PIK3C3: variants seen among roughly 807,000 people sequenced by gnomAD.
PIK3C3 encodes PI3-kinase type 3.
Under a neutral mutation model 126.1 loss-of-function variants are expected in PIK3C3, and 95 were observed. That is an observed-to-expected ratio of 0.75 (90% confidence interval 0.64 to 0.89). PIK3C3 has a LOEUF of 0.89. Among genes scored for constraint, PIK3C3 ranks in the 40% least tolerant of loss-of-function variants. The pLI, the probability that PIK3C3 is intolerant of heterozygous loss-of-function variation, is 0.00. For missense variants in PIK3C3, 829 were observed against 1,063.2 expected, an observed-to-expected ratio of 0.78 and a Z score of 3.06; for synonymous variants, 374 against 360.0, an observed-to-expected ratio of 1.04 and a Z score of -0.44.
chr18:41,957,871 T>C (rs1428892543), intron 2 of PIK3C3, 113 bp downstream of exon 2: 1 of 708,588 alleles, frequency 1.4e-6, no homozygotes, highest in Non-Finnish European at 2.3e-6. Flanking sequence ...CCTATAGGCA[T>C]TGATCAAATC....
rs562918911 is a variant in PIK3C3, at chr18:42,020,776, C to A, written c.1484+71C>A. The A allele has an allele frequency of 1.3e-5, 11 of 834,416 alleles. No homozygotes were observed. In the East Asian group the frequency reaches 2.7e-4, roughly 20 times the overall value. 51.7% of individuals were successfully genotyped at this position (834,416 alleles called of 1,614,324 possible). ...ATTATTTTTTCTCATGCTATAAACA[C>A]AAAGATGATTTAAAATAAGATATGA... is the stretch of plus-strand genomic sequence containing the variant. On this transcript the variant is annotated intron_variant, in intron 13 of 24. Transcript: ENST00000262039.
intron 15 of PIK3C3, among the ~76,000 whole-genome samples, chr18:42,031,862 C>T (rs1002397690): frequency 2.0e-5 from 3 of 152,140 alleles, no homozygotes; most frequent in Admixed American, 2.0e-4. Flanking sequence ...CTACTCTGTG[C>T]AGAGTGCTTT....
At chr18:41,959,059 T>C (rs1213745850) in intron 2 of PIK3C3, among the ~76,000 whole-genome samples, 1 of 152,178 alleles carries the variant, frequency 6.6e-6, no homozygotes. Context: ...CAGGAAGTCT[T>C]CAAACCCCTG....
At chr18:42,048,685 A>G (rs1057406111) in intron 20 of PIK3C3, among the ~76,000 whole-genome samples, 3 of 152,342 alleles carry the variant, frequency 2.0e-5, no homozygotes, top group Admixed American at 1.3e-4. Context: ...AATGGCCTTC[A>G]GAACCTAAGT....
chr18:42,065,314 C>A (rs1007741762), intron 23 of PIK3C3, among the ~76,000 whole-genome samples: 10 of 152,048 alleles, frequency 6.6e-5, no homozygotes, highest in Non-Finnish European at 1.3e-4. Flanking sequence ...CAGAAAAGGA[C>A]TTTAAAGCAG....
Position 41,957,776 on chromosome 18 carries a change from A to T in PIK3C3, c.257+18A>T. 6.3e-7 allele frequency: 1 copy of T among 1,594,840 alleles called. No individual in the cohort carries two copies. Among genetic ancestry groups the T allele is most frequent in the Non-Finnish European group, 8.6e-7 (1 of 1,167,202 alleles). ...AGATGGAAGTAAGTTTTTTTGTGGC[A>T]TATGGTATGTTACAGACTGTTCTTA... On this transcript the variant is annotated intron_variant, in intron 2 of 24. Coordinates refer to ENST00000262039, the MANE Select transcript of PIK3C3 (RefSeq NM_002647.4).
rs1986261284 is a variant in PIK3C3, at chr18:42,081,811, A to G, written c.*674A>G. 1 of 152,226 alleles carries G rather than the reference A, an allele frequency of 6.6e-6. No individual in the cohort carries two copies. The highest frequency in any genetic ancestry group is 1.5e-5 in the Non-Finnish European group (1 of 68,024). The allele number at this position is 152,226 out of a possible 1,614,324, so 9.4% of individuals were successfully genotyped here. On this transcript the variant is annotated 3_prime_UTR_variant, in exon 25 of 25. Transcript: ENST00000262039. The stretch of plus-strand genomic sequence containing the variant: ...TAAGTGTGTAAAGTAGAATATGAAA[A>G]TGTGGCTATTTAGATAACTGGCCAA...
In PIK3C3 at chr18:41,970,624, A is replaced by C. The variant is rs375400676; in HGVS notation, c.531+168A>C. The C allele has an allele frequency of 1.9e-5, 13 of 680,356 alleles. No homozygotes were observed. In the East Asian group the frequency reaches 3.5e-4, roughly 18 times the overall value. 42.1% of individuals were successfully genotyped at this position (680,356 alleles called of 1,614,324 possible). A position where few individuals can be genotyped will look rare whatever the true frequency, so the allele number is the denominator to read the frequency against. ...ACATACCATAAAGTTCACCCTTGGA[A>C]AGCATACAGTCTGATGGTTTAGTAA... On this transcript the variant is annotated intron_variant, in intron 4 of 24. Coordinates refer to ENST00000262039, the MANE Select transcript of PIK3C3 (RefSeq NM_002647.4).
intron 11 of PIK3C3, 127 bp downstream of exon 11, chr18:42,013,723 A>T (rs1373796592): frequency 2.9e-6 from 2 of 680,634 alleles, no homozygotes; most frequent in Non-Finnish European, 5.1e-6. Flanking sequence ...TTACTAGTGA[A>T]TATTGCATGT....
At chr18:41,967,855 A>G (rs1163279448) in intron 3 of PIK3C3, among the ~76,000 whole-genome samples, 1 of 152,192 alleles carries the variant, frequency 6.6e-6, no homozygotes, top group Non-Finnish European at 1.5e-5. Flanking sequence ...TGGCACTGCA[A>G]GCTGGAATAT....
Position 42,043,786 on chromosome 18 carries a change from T to C in PIK3C3, c.2157T>C (p.Ala719=). ...PSENGPNGIS[A]EVMDTYVKSC... ...AGAATGGGCCAAATGGGATTAGTGC[T>C]GAGGTCATGGACACTTACGTTAAAA... Residue 719 remains alanine (A), a synonymous_variant, in exon 20 of 25, where the codon GCT becomes GCC. Coordinates refer to ENST00000262039, the MANE Select transcript of PIK3C3 (RefSeq NM_002647.4). 2 of 1,613,322 alleles carry C rather than the reference T, an allele frequency of 1.2e-6. No individual in the cohort carries two copies. Among genetic ancestry groups the C allele is most frequent in the Non-Finnish European group, 8.5e-7 (1 of 1,179,370 alleles).
intron 7 of PIK3C3, among the ~76,000 whole-genome samples, chr18:41,994,324 C>T (rs891753378): frequency 2.6e-5 from 4 of 152,122 alleles, no homozygotes; most frequent in Admixed American, 1.3e-4. Context: ...ACTGAATTTT[C>T]AGTATAAAAT....
Position 42,082,253 on chromosome 18 carries a change from T to C in PIK3C3, c.*1116T>C, listed in dbSNP as rs1986276036. On this transcript the variant is annotated 3_prime_UTR_variant, in exon 25 of 25. Coordinates refer to ENST00000262039, the MANE Select transcript of PIK3C3 (RefSeq NM_002647.4). ...TGCTGAATAAATATTAGAAATCAAG[T>C]GACAGAGAAGATGAAGGTAAAATTG... is the stretch of plus-strand genomic sequence containing the variant. 6.6e-6 allele frequency: 1 copy of C among 152,136 alleles called. No homozygotes were observed. The highest frequency in any genetic ancestry group is 2.1e-4 in the South Asian group (1 of 4,832). The allele number at this position is 152,136 out of a possible 1,614,324, so 9.4% of individuals were successfully genotyped here. A position where few individuals can be genotyped will look rare whatever the true frequency, so the allele number is the denominator to read the frequency against.
intron 19 of PIK3C3, 61 bp downstream of exon 19, chr18:42,040,802 C>A: frequency 1.8e-6 from 2 of 1,097,826 alleles, no homozygotes; most frequent in Non-Finnish European, 1.4e-6. Context: ...AAAATTCAGT[C>A]TTTATAACAT....
At chr18:41,957,062 A>C (rs372690000) in intron 1 of PIK3C3, among the ~76,000 whole-genome samples, 1 of 152,226 alleles carries the variant, frequency 6.6e-6, no homozygotes, top group East Asian at 1.9e-4. Flanking sequence ...TAGAATAAAA[A>C]CATGCAGTTA....
chr18:42,003,193 T>C (rs1374183565), intron 9 of PIK3C3, among the ~76,000 whole-genome samples: 3 of 152,216 alleles, frequency 2.0e-5, no homozygotes, highest in African/African-American at 4.8e-5. Context: ...TTTAGTGTCA[T>C]ACTAACAGAA....
chr18:42,060,445 T>C (rs1331484814), intron 22 of PIK3C3, among the ~76,000 whole-genome samples: 2 of 152,180 alleles, frequency 1.3e-5, no homozygotes, highest in Admixed American at 1.3e-4. Flanking sequence ...TTTTTACATT[T>C]TTTGGTAAAA....
At chr18:42,012,669 A>G (rs1478166330) in intron 10 of PIK3C3, among the ~76,000 whole-genome samples, 1 of 152,192 alleles carries the variant, frequency 6.6e-6, no homozygotes. Flanking sequence ...CTAAACATTA[A>G]AGAGTTTTAT....
Position 41,962,522 on chromosome 18 carries a change from C to T in PIK3C3, c.291C>T (p.Tyr97=). Residue 97 remains tyrosine, a synonymous_variant, in exon 3 of 25, where the codon TAC becomes TAT. Coordinates refer to ENST00000262039, the MANE Select transcript of PIK3C3 (RefSeq NM_002647.4). ...AATGGCTGAAACTACCAGTAAAATACCCTGACCTGCCCAGGAATGCCCAAG... is the reference window on the plus strand; with the variant it reads ...AATGGCTGAAACTACCAGTAAAATATCCTGACCTGCCCAGGAATGCCCAAG... ...WNEWLKLPVK[Y]PDLPRNAQVA... The T allele has an allele frequency of 5.0e-6, 8 of 1,612,798 alleles. No homozygotes were observed. Among genetic ancestry groups the T allele is most frequent in the Non-Finnish European group, 5.9e-6 (7 of 1,179,132 alleles).
Sources: gnomAD v4.1 joint callset for allele counts (sites outside exome capture counted in the v4.1 genomes callset) on GRCh38, gnomAD v4.1.1 for gene constraint, MANE v1.5 for transcripts, NCBI Gene and HGNC (gene_info 2026-07-23, HGNC 2026-07-21) for gene names.